The following GABRA2 variants were observed in gnomAD, a reference collection of about 807,000 sequenced individuals.
The protein encoded by GABRA2 is gamma-aminobutyric acid type A receptor subunit alpha2, also known as gamma-aminobutyric acid receptor subunit alpha-2.
GABRA2 carries 16 observed loss-of-function variants against 48.7 expected under a neutral mutation model. The ratio of observed to expected loss-of-function variants is 0.33; its 90% CI spans 0.22 to 0.50. The LOEUF (loss-of-function observed/expected upper bound fraction) is 0.50. Ranked by LOEUF, GABRA2 falls within the 20% of genes least tolerant of loss-of-function variation. The pLI is 0.98. For synonymous variants in GABRA2, 185 were observed against 184.5 expected (o/e 1.00, Z -0.02); for missense variants, 275 against 535.6 (o/e 0.51, Z 4.80).
chr4:46,267,881 ATTTCAGATTTTTCAGATTATGGATGCTG>A (rs1374022653), intron 8 of GABRA2, among the ~76,000 whole-genome samples: 28 of 151,998 alleles, frequency 1.8e-4, no homozygotes, highest in African/African-American at 5.1e-4. Flanking sequence ...GTCATTGTAG[ATTTCAGATTTTTCAGATTATGGATGCTG>A]TTTCAGATTT....
intron 8 of GABRA2, among the ~76,000 whole-genome samples, chr4:46,263,540 T>C (rs146780150): frequency 2.0e-5 from 3 of 152,262 alleles, no homozygotes; most frequent in Admixed American, 6.5e-5. Flanking sequence ...CAATTGACCA[T>C]AGATATATGG....
intron 8 of GABRA2, among the ~76,000 whole-genome samples, chr4:46,263,254 T>G (rs1354892726): frequency 6.6e-6 from 1 of 152,116 alleles, no homozygotes; most frequent in Non-Finnish European, 1.5e-5. Context: ...CTCCTGGTAT[T>G]GAGGAAGATA....
chr4:46,275,893 T>C (rs146004441), intron 8 of GABRA2, among the ~76,000 whole-genome samples: 1 of 152,134 alleles, frequency 6.6e-6, no homozygotes, highest in Admixed American at 6.6e-5. Context: ...AAATAAAGGA[T>C]AGCTTTTATT....
chr4:46,245,015 G>GT lies in GABRA2; in HGVS notation c.*5292dup, dbSNP rs1270634452. On this transcript the variant is annotated 3_prime_UTR_variant, in exon 10 of 10. Coordinates refer to ENST00000381620, the MANE Select transcript of GABRA2 (RefSeq NM_000807.4). The stretch of plus-strand genomic sequence containing the variant: ...AGCAAAGAAAAAACACAGGTTTTTG[G>GT]TTTTTTTGTTGTTTTTTGTTTTTTT... Among the ~76,000 whole-genome samples, 5 of 151,272 alleles carry GT rather than the reference G, an allele frequency of 3.3e-5. No homozygotes were observed. Among genetic ancestry groups the GT allele is most frequent in the Non-Finnish European group, 5.9e-5 (4 of 67,486 alleles).
intron 3 of GABRA2, among the ~76,000 whole-genome samples, chr4:46,377,410 G>A (rs1202048639): frequency 6.0e-5 from 9 of 150,744 alleles, no homozygotes; most frequent in Admixed American, 3.3e-4. Flanking sequence ...TGTGAGGAGC[G>A]TCTCTGCCCA....
intron 9 of GABRA2, among the ~76,000 whole-genome samples, chr4:46,258,936 A>C (rs1019955617): frequency 6.6e-6 from 1 of 151,914 alleles, no homozygotes; most frequent in Non-Finnish European, 1.5e-5. Context: ...ATAACATTGC[A>C]AGCAATGCTT....
intron 3 of GABRA2, among the ~76,000 whole-genome samples, chr4:46,372,361 A>C (rs1321337687): frequency 6.6e-6 from 1 of 152,192 alleles, no homozygotes; most frequent in Admixed American, 6.5e-5. Flanking sequence ...TGACATAAGG[A>C]ACAGATGATT....
intron 3 of GABRA2, among the ~76,000 whole-genome samples, chr4:46,369,260 G>C (rs1714518788): frequency 6.6e-6 from 1 of 152,030 alleles, no homozygotes; most frequent in African/African-American, 2.4e-5. Context: ...ATTTCATTGA[G>C]CTACTGTCAT....
chr4:46,380,991 A>G (rs1299973970), intron 3 of GABRA2, among the ~76,000 whole-genome samples: 3 of 152,200 alleles, frequency 2.0e-5, no homozygotes, highest in Admixed American at 2.0e-4. Context: ...AGCATCTTCA[A>G]GGTTTCAGAG....
chr4:46,264,283 C>A (rs965771886), intron 8 of GABRA2, among the ~76,000 whole-genome samples: 1 of 151,978 alleles, frequency 6.6e-6, no homozygotes, highest in African/African-American at 2.4e-5. Flanking sequence ...AGTTTTACTT[C>A]TTCCTTTCCA....
At chr4:46,370,156 G>A (rs1445825346) in intron 3 of GABRA2, among the ~76,000 whole-genome samples, 19 of 151,732 alleles carry the variant, frequency 1.3e-4, no homozygotes, top group Non-Finnish European at 1.5e-5. Context: ...TCATAGAAAG[G>A]AGTTCATGTG....
intron 9 of GABRA2, among the ~76,000 whole-genome samples, chr4:46,254,247 C>T (rs1480930707): frequency 6.6e-6 from 1 of 151,404 alleles, no homozygotes; most frequent in East Asian, 2.0e-4. Context: ...TCCAGCCACA[C>T]CATCAGCAGG....
chr4:46,271,971 A>T (rs1419483494), intron 8 of GABRA2, among the ~76,000 whole-genome samples: 1 of 151,736 alleles, frequency 6.6e-6, no homozygotes, highest in Non-Finnish European at 1.5e-5. Context: ...CCTGTTTTTT[A>T]TTTAGCTACC....
intron 3 of GABRA2, chr4:46,367,185 CGTT>C (rs1714168423): frequency 6.6e-6 from 1 of 152,010 alleles, no homozygotes; most frequent in African/African-American, 2.4e-5. Context: ...AAGGATGACT[CGTT>C]GTTAGCAATG....
rs1489109812 is a variant in GABRA2, at chr4:46,249,209, A to C, written c.*1099T>G. The C allele has an allele frequency of 2.6e-5, 4 of 151,554 alleles. No individual in the cohort carries two copies. The highest frequency in any genetic ancestry group is 5.9e-5 in the Non-Finnish European group (4 of 67,714). 9.4% of individuals were successfully genotyped at this position (151,554 alleles called of 1,614,324 possible). A position where few individuals can be genotyped will look rare whatever the true frequency, so the allele number is the denominator to read the frequency against. Reference sequence around the variant, plus strand: ...GAAATTTAAAGTTGCAATTTACAAAAGCAGATTTACATTAATTCTTATCTG... The same window carrying C: ...GAAATTTAAAGTTGCAATTTACAAACGCAGATTTACATTAATTCTTATCTG... On this transcript the variant is annotated 3_prime_UTR_variant, in exon 10 of 10. Transcript: ENST00000381620.
chr4:46,380,092 T>C (rs1716558651), intron 3 of GABRA2, among the ~76,000 whole-genome samples: 1 of 152,220 alleles, frequency 6.6e-6, no homozygotes, highest in Admixed American at 6.5e-5. Context: ...CTTAGGGTGG[T>C]GACTATGCTT....
intron 2 of GABRA2, chr4:46,386,848 T>A (rs1330575624): frequency 1.3e-5 from 2 of 152,270 alleles, no homozygotes; most frequent in Admixed American, 6.5e-5. Flanking sequence ...GCAGAGATCC[T>A]TAGAGCCTAG....
rs1471119967 is a variant in GABRA2 at position 46,320,190 on chromosome 4, G to A, written c.256-7474C>T. ...GACTGGAGTTTTGGAATTTCTGAAAGGGGTATTTTCTTCAAAACCTGATGT... is the reference window on the plus strand; with the variant it reads ...GACTGGAGTTTTGGAATTTCTGAAAAGGGTATTTTCTTCAAAACCTGATGT... On this transcript the variant is annotated intron_variant, in intron 4 of 9. Coordinates refer to ENST00000381620, the MANE Select transcript of GABRA2 (RefSeq NM_000807.4). 2.6e-5 allele frequency among the ~76,000 whole-genome samples: 4 copies of A among 151,708 alleles called. No homozygotes were observed. The East Asian group carries it at 7.7e-4, about 29-fold the overall frequency.
intron 3 of GABRA2, chr4:46,366,531 T>C (rs933463409): frequency 2.8e-4 from 42 of 152,190 alleles, no homozygotes; most frequent in Non-Finnish European, 1.2e-4. Context: ...GAAAATTATA[T>C]TGGATAGAAT....
Sources: allele counts gnomAD v4.1 joint callset (sites outside exome capture counted in the v4.1 genomes callset), GRCh38; gene constraint gnomAD v4.1.1; transcripts MANE v1.5; gene names NCBI Gene and HGNC (gene_info 2026-07-23, HGNC 2026-07-21).